PDE8A: variants seen among roughly 807,000 people sequenced by gnomAD.
The protein encoded by PDE8A is high affinity cAMP-specific and IBMX-insensitive 3',5'-cyclic phosphodiesterase 8A.
In PDE8A, 59 loss-of-function variants were observed where a neutral mutation model predicts 105.0. That is an observed-to-expected ratio of 0.56 (90% CI 0.46 to 0.70). PDE8A has a LOEUF of 0.70. Ranked by LOEUF, PDE8A falls within the 30% of genes least tolerant of loss-of-function variation. The pLI, the probability that PDE8A is intolerant of heterozygous loss-of-function variation, is 0.00. For synonymous variants in PDE8A, 355 were observed against 371.9 expected (o/e 0.95, Z 0.52); for missense variants, 1,014 against 1,045.9 (o/e 0.97, Z 0.42).
chr15:85,098,854 G>A (rs1055621975), intron 9 of PDE8A, among the ~76,000 whole-genome samples: 15 of 152,014 alleles, frequency 9.9e-5, no homozygotes, highest in South Asian at 6.2e-4. Context: ...TACTTCAGGG[G>A]GCCGATGTGG....
chr15:85,015,538 A>C (rs1352706882), intron 1 of PDE8A, among the ~76,000 whole-genome samples: 3 of 152,120 alleles, frequency 2.0e-5, no homozygotes, highest in Non-Finnish European at 4.4e-5. Context: ...TTCCCTCTAT[A>C]AGGGTTGTAC....
intron 12 of PDE8A, among the ~76,000 whole-genome samples, chr15:85,112,511 C>G (rs1450300537): frequency 6.6e-6 from 1 of 152,106 alleles, no homozygotes; most frequent in Non-Finnish European, 1.5e-5. Context: ...AGTTGGCAAT[C>G]CTATAATCAC....
At chr15:85,131,007 T>C (rs1160544462) in intron 20 of PDE8A, among the ~76,000 whole-genome samples, 4 of 152,206 alleles carry the variant, frequency 2.6e-5, no homozygotes, top group Non-Finnish European at 5.9e-5. Context: ...TCCGCTCACC[T>C]CAACCTCCCA....
chr15:85,013,653 C>G (rs185972), intron 1 of PDE8A, among the ~76,000 whole-genome samples: 31,403 of 152,074 alleles, frequency 0.21, 3,607 homozygotes, highest in Non-Finnish European at 0.27. Context: ...ACAAATTACC[C>G]CAAAGTTTAC....
intron 11 of PDE8A, among the ~76,000 whole-genome samples, chr15:85,103,814 G>A (rs563498719): frequency 2.6e-5 from 4 of 152,224 alleles, no homozygotes; most frequent in South Asian, 2.1e-4. Flanking sequence ...TTCTCACCAC[G>A]GGTAGCATAG....
chr15:85,066,583 A>AAC (rs57124766), intron 2 of PDE8A, among the ~76,000 whole-genome samples: 3,710 of 116,618 alleles, frequency 0.032, 101 homozygotes, highest in East Asian at 0.044. Context: ...ATCCCCCCAA[A>AAC]ACACACACAC....
Position 85,136,594 on chromosome 15 carries a change from T to G in PDE8A, c.2314T>G (p.Cys772Gly). ...VVMPVFDRNT[C>G]SIPKSQISFI... ...GATGCCAGTGTTTGACAGAAATACC[T>G]GCAGCATCCCCAAATCCCAAATCTC... The change falls in exon 21 of 22, where the codon TGC becomes GGC. Residue 772 changes from cysteine (C) to glycine (G), a missense_variant. Transcript: ENST00000394553. The G allele has an allele frequency of 1.2e-6, 2 of 1,613,586 alleles. No homozygotes were observed. The highest frequency in any genetic ancestry group is 1.3e-5 in the African/African-American group (1 of 75,066).
chr15:85,123,305 A>G (rs978484648), intron 19 of PDE8A, 112 bp downstream of exon 19: 3 of 846,438 alleles, frequency 3.5e-6, no homozygotes, highest in Admixed American at 3.8e-5. Flanking sequence ...CAGTGAGTCT[A>G]TTAGACTCTT....
chr15:85,057,145 T>C (rs1288707510), intron 1 of PDE8A, among the ~76,000 whole-genome samples: 1 of 152,068 alleles, frequency 6.6e-6, no homozygotes, highest in African/African-American at 2.4e-5. Flanking sequence ...GAACGGCAAA[T>C]GTTGCTGCCT....
chr15:85,061,765 G>A (rs945920730), intron 1 of PDE8A, among the ~76,000 whole-genome samples: 1 of 152,080 alleles, frequency 6.6e-6, no homozygotes, highest in Admixed American at 6.6e-5. Context: ...TTCAGGCACT[G>A]TAAGCTCTGT....
At chr15:85,038,639 A>G (rs1411750995) in intron 1 of PDE8A, among the ~76,000 whole-genome samples, 1 of 152,218 alleles carries the variant, frequency 6.6e-6, no homozygotes, top group Non-Finnish European at 1.5e-5. Flanking sequence ...ACCGCAAACT[A>G]CTAATAACAA....
chr15:85,136,672 T>A lies in PDE8A; in HGVS notation c.2383+9T>A, dbSNP rs763601508. 4.3e-6 allele frequency: 7 copies of A among 1,612,692 alleles called. No homozygotes were observed. In the South Asian group the frequency reaches 7.7e-5, roughly 18 times the overall value. ...GTTTGATGCTTGGGATGGTAAGAAATCTTCCTTAAAATAGCATATTTTCCT... is the reference window on the plus strand; with the variant it reads ...GTTTGATGCTTGGGATGGTAAGAAAACTTCCTTAAAATAGCATATTTTCCT... On this transcript the variant is annotated intron_variant, in intron 21 of 21. Coordinates refer to ENST00000394553, the MANE Select transcript of PDE8A (RefSeq NM_002605.3).
At chr15:85,049,860 T>G (rs2080944657) in intron 1 of PDE8A, among the ~76,000 whole-genome samples, 2 of 152,252 alleles carry the variant, frequency 1.3e-5, no homozygotes, top group Non-Finnish European at 2.9e-5. Flanking sequence ...AAGGGGATTG[T>G]TGGATCATAT....
chr15:85,104,432 A>G (rs937021823), intron 11 of PDE8A, among the ~76,000 whole-genome samples: 2 of 152,106 alleles, frequency 1.3e-5, no homozygotes, highest in Non-Finnish European at 2.9e-5. Flanking sequence ...GACCAAGGGA[A>G]TCTTTATAAA....
intron 18 of PDE8A, among the ~76,000 whole-genome samples, chr15:85,122,046 T>G (rs2082190812): frequency 6.6e-6 from 1 of 152,208 alleles, no homozygotes; most frequent in Middle Eastern, 3.2e-3. Context: ...CACTCTGCCC[T>G]CCTGTGCTCA....
intron 4 of PDE8A, 49 bp downstream of exon 4, chr15:85,075,967 T>G (rs772506503): frequency 9.5e-7 from 1 of 1,052,522 alleles, no homozygotes; most frequent in South Asian, 1.4e-5. Context: ...AGTGTAATAC[T>G]TGCTCTTAAC....
At chr15:84,989,779 G>T (rs2079857531) in intron 1 of PDE8A, among the ~76,000 whole-genome samples, 1 of 152,158 alleles carries the variant, frequency 6.6e-6, no homozygotes, top group Non-Finnish European at 1.5e-5. Flanking sequence ...GGCAAACTTG[G>T]TTCAAATATA....
chr15:85,046,791 G>A (rs2080894778), intron 1 of PDE8A, among the ~76,000 whole-genome samples: 1 of 152,090 alleles, frequency 6.6e-6, no homozygotes, highest in African/African-American at 2.4e-5. Context: ...CCCTAATCAA[G>A]ATTTGTAACA....
intron 3 of PDE8A, 101 bp downstream of exon 3, chr15:85,067,305 T>G: frequency 1.3e-6 from 1 of 790,112 alleles, no homozygotes. Flanking sequence ...TTAAGTTGCT[T>G]TCCATGCATG....
Sources: allele counts gnomAD v4.1 joint callset (sites outside exome capture counted in the v4.1 genomes callset), GRCh38; gene constraint gnomAD v4.1.1; transcripts MANE v1.5; gene names NCBI Gene and HGNC (gene_info 2026-07-23, HGNC 2026-07-21).